TAOK3: variants seen among roughly 807,000 people sequenced by gnomAD.
TAOK3 encodes the protein TAO kinase 3, also known as serine/threonine-protein kinase TAO3.
TAOK3 carries 40 observed loss-of-function variants against 120.4 expected under a neutral mutation model. That is an observed-to-expected ratio of 0.33 (90% CI 0.26 to 0.43). TAOK3 has a LOEUF of 0.43. TAOK3 is among the 20% of genes least tolerant of loss of function. The pLI is 1.00. For synonymous variants in TAOK3, 355 were observed against 387.5 expected, an observed-to-expected ratio of 0.92 and a Z score of 0.99; for missense variants, 821 against 1,112.1, an observed-to-expected ratio of 0.74 and a Z score of 3.72.
chr12:118,233,734 C>T lies in TAOK3; in HGVS notation c.583G>A (p.Glu195Lys), dbSNP rs200241407. Residue 195 changes from glutamate to lysine, a missense_variant, in exon 9 of 21, where the codon GAA becomes AAA. Glu to Lys is a moderately conservative substitution (Grantham distance 56). Around this residue, in one of 2 missense-constraint regions of TAOK3, gnomAD observed 467 missense variants for 540.0 expected, o/e 0.86. Transcript: ENST00000392533. ...TCAACTTTCCCATCATACTGTCCTT[C>T]ATCCATAGCTAAGATCACCTCTGGA... Reference protein sequence around the residue: ...MAPEVILAMDEGQYDGKVDIW... With the variant: ...MAPEVILAMDKGQYDGKVDIW... The T allele has an allele frequency of 1.2e-6, 2 of 1,608,254 alleles. No individual in the cohort carries two copies.
chr12:118,168,551 T>C (rs2138570583), intron 17 of TAOK3, among the ~76,000 whole-genome samples: 1 of 152,366 alleles, frequency 6.6e-6, no homozygotes, highest in Middle Eastern at 3.4e-3. Flanking sequence ...GTTTCTGTTT[T>C]CGTCTATTTT....
At chr12:118,185,480 G>T (rs2037019246) in intron 14 of TAOK3, among the ~76,000 whole-genome samples, 1 of 152,056 alleles carries the variant, frequency 6.6e-6, no homozygotes. Flanking sequence ...ATAATATGTA[G>T]GAATCAAAAT....
chr12:118,258,005 G>A (rs1047746560), intron 2 of TAOK3, among the ~76,000 whole-genome samples: 1 of 152,012 alleles, frequency 6.6e-6, no homozygotes, highest in African/African-American at 2.4e-5. Flanking sequence ...GGATCATGAG[G>A]GGAAAATAAA....
intron 1 of TAOK3, among the ~76,000 whole-genome samples, chr12:118,271,960 T>A (rs982993285): frequency 2.0e-5 from 3 of 152,204 alleles, no homozygotes; most frequent in Non-Finnish European, 4.4e-5. Context: ...AAGAATGTAG[T>A]ATTTCAGGTT....
rs928950668 is a variant in TAOK3 at position 118,246,191 on chromosome 12, G to T, written c.121-1226C>A. ...GTTTCGGCAGTGGCATCCGGGGCCG[G>T]GGTCGCGGCCGTGGACGGGGCCGGG... On this transcript the variant is annotated intron_variant, in intron 3 of 20. Coordinates refer to ENST00000392533, the MANE Select transcript of TAOK3 (RefSeq NM_016281.4). 8.9e-5 allele frequency: 125 copies of T among 1,405,840 alleles called. No homozygotes were observed. In the Middle Eastern group the frequency reaches 1.4e-3, roughly 16 times the overall value. The allele number at this position is 1,405,840 out of a possible 1,614,324, so 87.1% of individuals were successfully genotyped here.
intron 1 of TAOK3, among the ~76,000 whole-genome samples, chr12:118,277,216 G>A (rs77234097): frequency 0.02 from 3,017 of 152,176 alleles, 48 homozygotes; most frequent in Non-Finnish European, 0.027. Flanking sequence ...ATTAGACCAC[G>A]TTTCTCTACC....
chr12:118,267,091 T>A (rs1341550509), intron 1 of TAOK3, among the ~76,000 whole-genome samples: 2 of 152,258 alleles, frequency 1.3e-5, no homozygotes, highest in Non-Finnish European at 2.9e-5. Context: ...ACTGATTCTC[T>A]GTTGTTAAGG....
chr12:118,189,908 C>T lies in TAOK3; in HGVS notation c.1228G>A (p.Gly410Ser). 1 of 1,614,146 alleles carries T rather than the reference C, an allele frequency of 6.2e-7. No individual in the cohort carries two copies. Among genetic ancestry groups the T allele is most frequent in the South Asian group, 1.1e-5 (1 of 91,070 alleles). Residue 410 changes from glycine (G) to serine (S), a missense_variant, in exon 14 of 21, where the codon GGC (glycine) becomes AGC (serine). Gly to Ser is a moderately conservative substitution (Grantham distance 56). This residue lies in a region of TAOK3 where 467 missense variants were observed against 540.0 expected (regional missense o/e 0.86). Transcript: ENST00000392533. ...GGCCGCGGCTCAGGCCTGGGATCGC[C>T]GTGGCCCGCCTCATCCCTTATGAAT... ...HVFIRDEAGH[G>S]DPRPEPRPTQ... is the part of the protein sequence containing the mutation.
At chr12:118,293,987 C>A (rs1412010326) in intron 1 of TAOK3, among the ~76,000 whole-genome samples, 1 of 151,790 alleles carries the variant, frequency 6.6e-6, no homozygotes, top group African/African-American at 2.4e-5. Context: ...TGCACTCCAG[C>A]CTAGGCAACA....
chr12:118,173,129 T>A (rs529937486), intron 16 of TAOK3, among the ~76,000 whole-genome samples: 2 of 152,342 alleles, frequency 1.3e-5, no homozygotes, highest in East Asian at 3.9e-4. Context: ...ATCTTGGTAG[T>A]AACTAAGAAA....
At chr12:118,287,489 C>A (rs1256251330) in intron 1 of TAOK3, among the ~76,000 whole-genome samples, 2 of 151,936 alleles carry the variant, frequency 1.3e-5, no homozygotes, top group African/African-American at 2.4e-5. Context: ...AATTTCCGAT[C>A]AAAAAACACT....
intron 1 of TAOK3, among the ~76,000 whole-genome samples, chr12:118,291,936 C>T (rs1162141295): frequency 6.6e-6 from 1 of 152,138 alleles, no homozygotes; most frequent in African/African-American, 2.4e-5. Context: ...GCCTCAGCCT[C>T]CCCAGTAGCT....
chr12:118,189,416 T>C (rs943512254), intron 14 of TAOK3, among the ~76,000 whole-genome samples: 1 of 152,060 alleles, frequency 6.6e-6, no homozygotes, highest in African/African-American at 2.4e-5. Context: ...TAAAAAAATT[T>C]AGCATTATTT....
chr12:118,198,444 T>C (rs1039446900), intron 13 of TAOK3: 5 of 145,410 alleles, frequency 3.4e-5, no homozygotes, highest in African/African-American at 1.3e-4. Context: ...TGGAGTGCAA[T>C]GGCGCGATCT....
chr12:118,256,431 CAT>C (rs1393278055), intron 2 of TAOK3, among the ~76,000 whole-genome samples: 1 of 152,146 alleles, frequency 6.6e-6, no homozygotes, highest in Non-Finnish European at 1.5e-5. Context: ...GAAATGAAAA[CAT>C]GTGTTCACAC....
chr12:118,233,499 G>A (rs1412462140), intron 9 of TAOK3, among the ~76,000 whole-genome samples, 175 bp downstream of exon 9: 1 of 151,964 alleles, frequency 6.6e-6, no homozygotes, highest in Non-Finnish European at 1.5e-5. Context: ...TCTGTGTTAT[G>A]AGTATAAAAA....
intron 20 of TAOK3, among the ~76,000 whole-genome samples, chr12:118,151,418 G>A (rs1486434089): frequency 6.6e-6 from 1 of 152,072 alleles, no homozygotes; most frequent in Non-Finnish European, 1.5e-5. Context: ...CAATGTTTGG[G>A]GTCCACCTGG....
At chr12:118,252,188 G>T (rs1290832225) in intron 3 of TAOK3, among the ~76,000 whole-genome samples, 1 of 152,120 alleles carries the variant, frequency 6.6e-6, no homozygotes, top group South Asian at 2.1e-4. Flanking sequence ...CTGAGAAGAT[G>T]AATTAGATTT....
At position 118,349,192 on chromosome 12, in the gene TAOK3, T is replaced by C. The variant is rs1052571220; in HGVS notation, c.-194+23456A>G. ...AGGCATGAGCCACCGCGCTGGCTGA[T>C]TCAAATCATTTCAAAGCATTTTCAT... On this transcript the variant is annotated intron_variant, in intron 1 of 20. Coordinates refer to ENST00000392533, the MANE Select transcript of TAOK3 (RefSeq NM_016281.4). 4.6e-5 allele frequency among the ~76,000 whole-genome samples: 7 copies of C among 152,112 alleles called. No homozygotes were observed. In the South Asian group the frequency reaches 8.3e-4, roughly 18 times the overall value.
Sources: gnomAD v4.1 joint callset for allele counts (sites outside exome capture counted in the v4.1 genomes callset) on GRCh38, gnomAD v4.1.1 for gene constraint, gnomAD v4.1.1 regional missense constraint, MANE v1.5 for transcripts, NCBI Gene and HGNC (gene_info 2026-07-23, HGNC 2026-07-21) for gene names.